Variants in DMD observed in about 807,000 individuals in gnomAD.
DMD encodes the protein dystrophin.
Under a neutral mutation model 330.1 loss-of-function variants are expected in DMD, and 63 were observed. The ratio of observed to expected loss-of-function variants is 0.19; its 90% CI spans 0.16 to 0.24. The LOEUF (loss-of-function observed/expected upper bound fraction) is 0.24, where lower values mean the gene tolerates loss of function less well. Ranked by LOEUF, DMD falls within the 10% of genes least tolerant of loss-of-function variation. The probability of loss-of-function intolerance (pLI) is 1.00; values close to 1 mark genes in which losing one functional copy is unlikely to be tolerated. For synonymous variants in DMD, 1,223 were observed against 959.8 expected (o/e 1.27, Z -5.07); for missense variants, 3,344 against 2,684.1 (o/e 1.25, Z -5.43).
chrX:31,546,533 G>C (rs1446490774), intron 55 of DMD, among the ~76,000 whole-genome samples: 1 of 112,340 alleles, frequency 8.9e-6, no homozygotes, highest in African/African-American at 3.2e-5. Context: ...GGTGCTGACC[G>C]ATGCTCTCCT....
chrX:32,482,102 G>A (rs553089474), intron 21 of DMD, among the ~76,000 whole-genome samples: 4 of 111,723 alleles, frequency 3.6e-5, no homozygotes, highest in African/African-American at 1.3e-4. Flanking sequence ...TTTCCAAATT[G>A]TTAATGAAAT....
chrX:32,558,379 A>G (rs1450636871), intron 16 of DMD, among the ~76,000 whole-genome samples: 1 of 112,162 alleles, frequency 8.9e-6, no homozygotes, highest in Non-Finnish European at 1.9e-5. Flanking sequence ...GATATTATCA[A>G]GTATAGGCTT....
intron 62 of DMD, among the ~76,000 whole-genome samples, chrX:31,284,569 C>CTTCTTTCTTCTTTCTTCT (rs2052928703): frequency 3.2e-5 from 2 of 61,693 alleles, no homozygotes; most frequent in African/African-American, 1.3e-4. Flanking sequence ...TCTTCTTCTT[C>CTTCTTTCTTCTTTCTTCT]TTCTTCTTCT....
intron 1 of DMD, among the ~76,000 whole-genome samples, chrX:33,248,117 C>A (rs1172482784): frequency 9.0e-6 from 1 of 111,366 alleles, no homozygotes; most frequent in Non-Finnish European, 1.9e-5. Flanking sequence ...TCTCAGCTCA[C>A]TGTAAGCTCC....
intron 60 of DMD, among the ~76,000 whole-genome samples, chrX:31,371,112 A>G (rs1269759750): frequency 1.8e-5 from 2 of 111,515 alleles, no homozygotes; most frequent in Non-Finnish European, 3.8e-5. Context: ...GACAATATTG[A>G]CGTCAAAATC....
chrX:31,868,239 T>C (rs748841638), intron 48 of DMD, among the ~76,000 whole-genome samples: 3 of 112,497 alleles, frequency 2.7e-5, no homozygotes, highest in Non-Finnish European at 5.6e-5. Context: ...GATTTGATTA[T>C]GGCTTTTGTT....
At chrX:32,594,799 T>C (rs1038794393) in intron 13 of DMD, among the ~76,000 whole-genome samples, 9 of 111,972 alleles carry the variant, frequency 8.0e-5, no homozygotes, top group African/African-American at 2.9e-4. Context: ...GCAAAGAACC[T>C]AAGAATCATC....
In DMD at chrX:31,418,090, T is replaced by C. The variant is rs182822962; in HGVS notation, c.9084+26391A>G. On this transcript the variant is annotated intron_variant, in intron 60 of 78. Transcript: ENST00000357033. The stretch of plus-strand genomic sequence containing the variant: ...TGGAGTAGATTTTCTGGAAAATGAA[T>C]GTTTTAGTCCGTTGGAATGCTATAA... Among the ~76,000 whole-genome samples the C allele has an allele frequency of 4.3e-4, 47 of 110,423 alleles. 1 individual carries two copies. The highest frequency in any genetic ancestry group is 1.5e-3 in the African/African-American group (46 of 30,325).
rs1557357591 is a variant in DMD at position 32,438,388 on chromosome X, T to A, written c.3924A>T (p.Ser1308=). ...CTGAATGTCGCATCAAATTTTCAAG[T>A]GACTGAAACACATTTGCAATAATTA... ...GAEEISEVLD[S]LENLMRHSED... The change falls in exon 29 of 79, where the codon TCA becomes TCT. Residue 1308 remains serine (S), a splice_region_variant and synonymous_variant. Transcript: ENST00000357033. 2.5e-6 allele frequency: 3 copies of A among 1,211,078 alleles called. No homozygotes were observed. The highest frequency in any genetic ancestry group is 3.4e-6 in the Non-Finnish European group (3 of 894,937).
chrX:31,981,095 G>T (rs2095473121), intron 44 of DMD, among the ~76,000 whole-genome samples: 1 of 111,555 alleles, frequency 9.0e-6, no homozygotes. Context: ...GGTTATACAG[G>T]AACAGACTTC....
At chrX:31,547,817 C>G (rs762958831) in intron 55 of DMD, among the ~76,000 whole-genome samples, 2 of 111,952 alleles carry the variant, frequency 1.8e-5, no homozygotes, top group Non-Finnish European at 3.8e-5. Flanking sequence ...TGAAACCATA[C>G]TCAAAAGTGG....
intron 55 of DMD, among the ~76,000 whole-genome samples, chrX:31,619,967 T>G (rs1441087529): frequency 1.8e-5 from 2 of 112,289 alleles, no homozygotes; most frequent in Non-Finnish European, 3.8e-5. Flanking sequence ...TCTTTCTTCC[T>G]GCAGGAGATA....
At chrX:33,223,521 T>A (rs148214201) in intron 1 of DMD, among the ~76,000 whole-genome samples, 1,282 of 112,058 alleles carry the variant, frequency 0.011, 16 homozygotes, top group African/African-American at 0.04. Flanking sequence ...AAAGACAACC[T>A]TTTCAATAAA....
At chrX:32,103,743 A>C (rs1248255511) in intron 44 of DMD, among the ~76,000 whole-genome samples, 1 of 112,191 alleles carries the variant, frequency 8.9e-6, no homozygotes, top group African/African-American at 3.2e-5. Flanking sequence ...ATTCGTAAAC[A>C]CTGCTAAGTT....
intron 4 of DMD, among the ~76,000 whole-genome samples, chrX:32,840,058 G>T (rs931930959): frequency 8.9e-6 from 1 of 112,102 alleles, no homozygotes; most frequent in East Asian, 2.8e-4. Context: ...ACAGGCTAAG[G>T]TAAAGGTTCC....
At chrX:32,024,344 G>C (rs1404691033) in intron 44 of DMD, among the ~76,000 whole-genome samples, 1 of 109,675 alleles carries the variant, frequency 9.1e-6, no homozygotes, top group Non-Finnish European at 1.9e-5. Context: ...AATTAGCCAG[G>C]CATGGTGGTG....
chrX:31,712,171 G>A (rs933962621), intron 52 of DMD, among the ~76,000 whole-genome samples: 1 of 111,763 alleles, frequency 8.9e-6, no homozygotes, highest in Non-Finnish European at 1.9e-5. Flanking sequence ...CTTCTGGCAG[G>A]AAAATGCCAA....
intron 13 of DMD, among the ~76,000 whole-genome samples, chrX:32,586,447 A>C (rs757510618): frequency 9.2e-6 from 1 of 108,528 alleles, no homozygotes; most frequent in East Asian, 2.9e-4. Context: ...AAATAAATAA[A>C]TATATATGTT....
At chrX:32,537,570 A>G (rs1301692838) in intron 17 of DMD, among the ~76,000 whole-genome samples, 7 of 111,321 alleles carry the variant, frequency 6.3e-5, no homozygotes, top group Admixed American at 5.8e-4. Flanking sequence ...AGAACTGAAG[A>G]GTGACCTTTG....
Sources: gnomAD v4.1 joint callset for allele counts (sites outside exome capture counted in the v4.1 genomes callset) on GRCh38, gnomAD v4.1.1 for gene constraint, MANE v1.5 for transcripts, NCBI Gene and HGNC (gene_info 2026-07-23, HGNC 2026-07-21) for gene names.